The following APOO variants were observed in gnomAD, a reference collection of about 807,000 sequenced individuals.
The protein encoded by APOO is apolipoprotein O, also known as MICOS complex subunit MIC26.
APOO carries 11 observed loss-of-function variants against 23.1 expected under a neutral mutation model. That is an observed-to-expected ratio of 0.48 (90% confidence interval 0.30 to 0.79). APOO has a LOEUF of 0.79. Ranked by LOEUF, APOO falls within the 30% of genes least tolerant of loss-of-function variation. APOO has a pLI of 0.07. For synonymous variants in APOO, 59 were observed against 54.8 expected, an observed-to-expected ratio of 1.08 and a Z score of -0.34; for missense variants, 160 against 142.7, an observed-to-expected ratio of 1.12 and a Z score of -0.62.
rs1238911251 is a variant in APOO at position 23,853,617 on chromosome X, T to TTTTG, written c.561+2681_561+2684dup. Among the ~76,000 whole-genome samples the TTTTG allele has an allele frequency of 1.9e-4, 18 of 96,297 alleles. No individual in the cohort carries two copies. In the East Asian group the frequency reaches 3.4e-3, roughly 18 times the overall value. The allele number at this position is 96,297 out of a possible 115,157, so 83.6% of individuals were successfully genotyped here. On this transcript the variant is annotated intron_variant, in intron 7 of 8. Coordinates refer to ENST00000379226, the MANE Select transcript of APOO (RefSeq NM_024122.5). The stretch of plus-strand genomic sequence containing the variant: ...GCCACCGAGCCCGACCGTTTTTTTT[T>TTTTG]TTTGTTTGTTTGTTTGTTTGTTTTT...
chrX:23,906,856 G>A (rs1357553060), intron 1 of APOO, among the ~76,000 whole-genome samples: 1 of 111,993 alleles, frequency 8.9e-6, no homozygotes, highest in East Asian at 2.8e-4. Context: ...TGCATGTTCT[G>A]ATTTTACAGC....
At chrX:23,892,944 AAAAC>A (rs1479050242) in intron 1 of APOO, among the ~76,000 whole-genome samples, 6 of 110,392 alleles carry the variant, frequency 5.4e-5, no homozygotes, top group East Asian at 2.8e-4. Context: ...ACAAAAAAAA[AAAAC>A]AAACTATGAA....
chrX:23,849,799 G>C (rs147700233), intron 7 of APOO, among the ~76,000 whole-genome samples: 1,396 of 107,338 alleles, frequency 0.013, 39 homozygotes, highest in African/African-American at 0.045. Flanking sequence ...GGCTGAGGCA[G>C]GAAAATTGCT....
intron 8 of APOO, among the ~76,000 whole-genome samples, chrX:23,835,358 C>T (rs1293923038): frequency 9.0e-6 from 1 of 111,638 alleles, no homozygotes; most frequent in Non-Finnish European, 1.9e-5. Context: ...CCACCGTGCC[C>T]GGCACAATTG....
In APOO at chrX:23,907,818, G is replaced by A. The variant is rs1304615829; in HGVS notation, c.-116C>T. 7 of 895,985 alleles carry A rather than the reference G, an allele frequency of 7.8e-6. No homozygotes were observed. The highest frequency in any genetic ancestry group is 1.1e-5 in the Non-Finnish European group (7 of 661,696). 73.8% of individuals were successfully genotyped at this position (895,985 alleles called of 1,213,427 possible). A position where few individuals can be genotyped will look rare whatever the true frequency, so the allele number is the denominator to read the frequency against. On this transcript the variant is annotated 5_prime_UTR_variant, in exon 1 of 9. Transcript: ENST00000379226. ...ATTTCTCCAACCGCAAGCAGGCAGC[G>A]GTGCGGGTGACGGCCGTACTGCAAA...
At chrX:23,902,970 T>C (rs1417463911) in intron 1 of APOO, among the ~76,000 whole-genome samples, 1 of 112,100 alleles carries the variant, frequency 8.9e-6, no homozygotes, top group African/African-American at 3.2e-5. Flanking sequence ...TCCCACCATG[T>C]TCATAAGACC....
intron 1 of APOO, among the ~76,000 whole-genome samples, chrX:23,884,371 C>T (rs896838067): frequency 1.8e-5 from 2 of 110,807 alleles, no homozygotes; most frequent in African/African-American, 6.6e-5. Context: ...GTTTAATAGG[C>T]AAAATTAGCA....
chrX:23,897,828 T>C (rs1353528977), intron 1 of APOO, among the ~76,000 whole-genome samples: 1 of 108,230 alleles, frequency 9.2e-6, no homozygotes, highest in Non-Finnish European at 1.9e-5. Flanking sequence ...ACCCCCTCTC[T>C]ACAAAAAATA....
chrX:23,884,257 C>T (rs1476142887), intron 1 of APOO, among the ~76,000 whole-genome samples: 1 of 110,595 alleles, frequency 9.0e-6, no homozygotes, highest in Non-Finnish European at 1.9e-5. Context: ...ATTAAAGGGC[C>T]AGCTGACCAG....
rs372819601 is a variant in APOO at position 23,884,751 on chromosome X, G to A, written c.10-3799C>T. Among the ~76,000 whole-genome samples, 583 of 111,428 alleles carry A rather than the reference G, an allele frequency of 5.2e-3. 2 individuals are homozygous for A. The highest frequency in any genetic ancestry group is 7.9e-3 in the Non-Finnish European group (422 of 53,113). ...GACTAGAGTTAACAACAATGTATTG[G>A]ATTTTCGAAAATCAGGAAAAGAGTA... On this transcript the variant is annotated intron_variant, in intron 1 of 8. Transcript: ENST00000379226.
intron 1 of APOO, among the ~76,000 whole-genome samples, chrX:23,904,570 G>A (rs960594447): frequency 1.0e-5 from 1 of 99,104 alleles, no homozygotes; most frequent in East Asian, 3.2e-4. Flanking sequence ...TCAGTGGTGC[G>A]ATCTCAGCTC....
chrX:23,858,385 A>G (rs1454584813), intron 6 of APOO, among the ~76,000 whole-genome samples: 1 of 111,937 alleles, frequency 8.9e-6, no homozygotes, highest in Non-Finnish European at 1.9e-5. Context: ...AATGTATATT[A>G]AATTTTTGCT....
At chrX:23,844,696 C>T (rs1193235805) in intron 7 of APOO, among the ~76,000 whole-genome samples, 1 of 111,884 alleles carries the variant, frequency 8.9e-6, no homozygotes, top group African/African-American at 3.2e-5. Flanking sequence ...CCTGCTGACA[C>T]CTTGATTTAG....
chrX:23,890,843 G>A (rs189299457), intron 1 of APOO, among the ~76,000 whole-genome samples: 1 of 111,639 alleles, frequency 9.0e-6, no homozygotes, highest in East Asian at 2.8e-4. Context: ...CCCACCACAA[G>A]CTGAGGAGCA....
intron 1 of APOO, among the ~76,000 whole-genome samples, chrX:23,889,781 G>A (rs1926554900): frequency 9.4e-6 from 1 of 106,268 alleles, no homozygotes; most frequent in African/African-American, 3.4e-5. Context: ...TCCTGCCTCA[G>A]CCTCCTGGTA....
intron 1 of APOO, among the ~76,000 whole-genome samples, chrX:23,898,531 C>T (rs1012634392): frequency 1.8e-5 from 2 of 111,343 alleles, no homozygotes; most frequent in East Asian, 5.5e-4. Flanking sequence ...AAACTGTAAG[C>T]CTTTTTTGGA....
At chrX:23,878,669 TTG>T (rs759979438) in intron 3 of APOO, among the ~76,000 whole-genome samples, 31 of 110,324 alleles carry the variant, frequency 2.8e-4, no homozygotes, top group Non-Finnish European at 2.1e-4. Context: ...TAAATTATTG[TTG>T]ACTACAGTCA....
intron 7 of APOO, among the ~76,000 whole-genome samples, chrX:23,850,988 T>C (rs896016146): frequency 1.9e-4 from 21 of 111,615 alleles, no homozygotes; most frequent in African/African-American, 6.2e-4. Context: ...ATATAATATG[T>C]ATATTTAGAC....
chrX:23,902,216 G>A (rs1033213088), intron 1 of APOO, among the ~76,000 whole-genome samples: 3 of 111,830 alleles, frequency 2.7e-5, no homozygotes, highest in South Asian at 3.7e-4. Flanking sequence ...CCACTGCATC[G>A]TTAACGGACC....
Sources: allele counts gnomAD v4.1 joint callset (sites outside exome capture counted in the v4.1 genomes callset), GRCh38; gene constraint gnomAD v4.1.1; transcripts MANE v1.5; gene names NCBI Gene and HGNC (gene_info 2026-07-23, HGNC 2026-07-21).